The following HPSE2 variants were observed in gnomAD, a reference collection of about 807,000 sequenced individuals.
HPSE2 encodes heparanase 2 (inactive).
In HPSE2, 38 loss-of-function variants were observed where a neutral mutation model predicts 60.5. The observed-to-expected ratio is 0.63, with a 90% CI of 0.48 to 0.82. The LOEUF (loss-of-function observed/expected upper bound fraction) is 0.82, where lower values mean the gene tolerates loss of function less well. HPSE2 is among the 40% of genes least tolerant of loss of function. The pLI is 0.00. For synonymous variants in HPSE2, 295 were observed against 293.2 expected (o/e 1.01, Z -0.06); for missense variants, 713 against 740.4 (o/e 0.96, Z 0.43).
At chr10:98,643,958 C>T (rs1946702076) in intron 6 of HPSE2, among the ~76,000 whole-genome samples, 1 of 152,122 alleles carries the variant, frequency 6.6e-6, no homozygotes, top group South Asian at 2.1e-4. Flanking sequence ...CATTACACAT[C>T]AGTATTTATA....
the HPSE2 span, among the ~76,000 whole-genome samples, chr10:99,245,009 T>G: frequency 2.6e-4 from 40 of 152,314 alleles, 1 homozygote; most frequent in Admixed American, 2.4e-3. Flanking sequence ...CTTTTCATTA[T>G]CTAGAGATAT....
At chr10:98,924,788 T>C (rs1394623291) in intron 3 of HPSE2, among the ~76,000 whole-genome samples, 2 of 152,146 alleles carry the variant, frequency 1.3e-5, no homozygotes, top group African/African-American at 4.8e-5. Flanking sequence ...AGGAGTTGCC[T>C]AGGAATTGCA....
chr10:98,719,380 G>A (rs1209392361), intron 5 of HPSE2, among the ~76,000 whole-genome samples: 2 of 152,030 alleles, frequency 1.3e-5, no homozygotes, highest in Non-Finnish European at 2.9e-5. Flanking sequence ...ACAGTGCCAT[G>A]CAAGGACAGA....
chr10:98,614,836 G>A (rs1484755963), intron 9 of HPSE2, 68 bp downstream of exon 9: 9 of 1,046,998 alleles, frequency 8.6e-6, no homozygotes, highest in Non-Finnish European at 1.4e-5. Flanking sequence ...TCCTAGTATG[G>A]AACAAGGCAT....
intron 6 of HPSE2, among the ~76,000 whole-genome samples, chr10:98,664,594 CAA>C (rs1189952410): frequency 2.0e-5 from 3 of 152,180 alleles, no homozygotes; most frequent in African/African-American, 4.8e-5. Flanking sequence ...CGCTGAAATA[CAA>C]AAGAGCCCGG....
At chr10:98,520,582 G>A (rs1942757048) in intron 9 of HPSE2, among the ~76,000 whole-genome samples, 1 of 152,180 alleles carries the variant, frequency 6.6e-6, no homozygotes, top group Non-Finnish European at 1.5e-5. Flanking sequence ...GGGCTTCGAG[G>A]CGCAAAGTAA....
At chr10:99,227,881 G>T (rs1199932466) in intron 2 of HPSE2, among the ~76,000 whole-genome samples, 1 of 146,230 alleles carries the variant, frequency 6.8e-6, no homozygotes, top group Non-Finnish European at 1.5e-5. Context: ...GTGTGTGTGT[G>T]TGTGTGTGTG....
intron 3 of HPSE2, among the ~76,000 whole-genome samples, chr10:98,877,216 A>G (rs542773441): frequency 6.6e-6 from 1 of 152,026 alleles, no homozygotes; most frequent in Non-Finnish European, 1.5e-5. Flanking sequence ...AACTTAAGTT[A>G]ATGTCCTTTT....
At chr10:99,131,878 G>A (rs112017328) in intron 3 of HPSE2, among the ~76,000 whole-genome samples, 20 of 152,030 alleles carry the variant, frequency 1.3e-4, no homozygotes, top group African/African-American at 4.1e-4. Context: ...TTGGGAGGCC[G>A]AGGCAGGAGG....
chr10:99,234,122 G>A (rs1849759450), intron 1 of HPSE2, among the ~76,000 whole-genome samples: 1 of 152,238 alleles, frequency 6.6e-6, no homozygotes, highest in Non-Finnish European at 1.5e-5. Context: ...GCGCTCTGCT[G>A]CACGAAAGAG....
rs1261982388 is a variant in HPSE2 at position 98,941,922 on chromosome 10, G to A, written c.611-197866C>T. Among the ~76,000 whole-genome samples the A allele has an allele frequency of 4.2e-5, 6 of 141,854 alleles. No individual in the cohort carries two copies. The South Asian group carries it at 1.1e-3, about 25-fold the overall frequency. 93.1% of individuals were successfully genotyped at this position (141,854 alleles called of 152,430 possible). ...ACAGAACAGAGCCCTCAGAAATAATGCCACATATCTACAGCTATCTGATCT... is the reference window on the plus strand; with the variant it reads ...ACAGAACAGAGCCCTCAGAAATAATACCACATATCTACAGCTATCTGATCT... On this transcript the variant is annotated intron_variant, in intron 3 of 11. Coordinates refer to ENST00000370552, the MANE Select transcript of HPSE2 (RefSeq NM_021828.5).
At chr10:99,082,140 G>A (rs1042578479) in intron 3 of HPSE2, among the ~76,000 whole-genome samples, 1 of 152,092 alleles carries the variant, frequency 6.6e-6, no homozygotes, top group Non-Finnish European at 1.5e-5. Context: ...TTTATAAAGG[G>A]GCAGAGATGG....
At chr10:98,686,602 G>A (rs754213428) in intron 6 of HPSE2, among the ~76,000 whole-genome samples, 9 of 151,992 alleles carry the variant, frequency 5.9e-5, no homozygotes, top group Admixed American at 1.3e-4. Flanking sequence ...TGGAAGTCTC[G>A]CTATGTTGCT....
At chr10:99,012,112 TATA>T (rs1957032075) in intron 3 of HPSE2, among the ~76,000 whole-genome samples, 1 of 152,062 alleles carries the variant, frequency 6.6e-6, no homozygotes, top group African/African-American at 2.4e-5. Flanking sequence ...TAAATTATTT[TATA>T]ATATTTATAG....
intron 3 of HPSE2, among the ~76,000 whole-genome samples, chr10:98,819,634 T>A (rs1448931258): frequency 6.6e-6 from 1 of 152,162 alleles, no homozygotes; most frequent in African/African-American, 2.4e-5. Context: ...ATGAAAATGT[T>A]GACAGTTTAA....
intron 3 of HPSE2, among the ~76,000 whole-genome samples, chr10:99,023,448 C>T (rs546698960): frequency 5.9e-5 from 9 of 152,114 alleles, no homozygotes; most frequent in Admixed American, 1.3e-4. Flanking sequence ...AGAATACAGG[C>T]CTGGCTGACA....
intron 9 of HPSE2, among the ~76,000 whole-genome samples, chr10:98,602,268 T>C (rs1945449439): frequency 1.3e-5 from 2 of 152,124 alleles, no homozygotes; most frequent in African/African-American, 2.4e-5. Context: ...ATTTTGACAA[T>C]GGGATAGCAA....
At chr10:99,307,832 GCA>G in the HPSE2 span, among the ~76,000 whole-genome samples, 332 of 134,486 alleles carry the variant, frequency 2.5e-3, 1 homozygote, top group African/African-American at 7.0e-3. Flanking sequence ...TAGTAAATGC[GCA>G]CACACACACA....
chr10:99,247,097 A>G, the HPSE2 span, among the ~76,000 whole-genome samples: 1 of 152,228 alleles, frequency 6.6e-6, no homozygotes, highest in African/African-American at 2.4e-5. Flanking sequence ...ATTTCATGTC[A>G]TTTAAGAAAA....
Sources: allele counts gnomAD v4.1 joint callset (sites outside exome capture counted in the v4.1 genomes callset), GRCh38; gene constraint gnomAD v4.1.1; transcripts MANE v1.5; gene names NCBI Gene and HGNC (gene_info 2026-07-23, HGNC 2026-07-21).